The following KBTBD11 variants were observed in gnomAD, a reference collection of about 807,000 sequenced individuals.
KBTBD11 encodes the protein kelch repeat and BTB domain containing 11.
For missense variants in KBTBD11, 1,390 were observed against 1,001.8 expected, an observed-to-expected ratio of 1.39 and a Z score of -5.23; for synonymous variants, 747 against 499.0, an observed-to-expected ratio of 1.50 and a Z score of -6.63.
At chr8:1,977,814 G>T (rs1816400709) in intron 1 of KBTBD11, among the ~76,000 whole-genome samples, 2 of 152,246 alleles carry the variant, frequency 1.3e-5, no homozygotes, top group African/African-American at 2.4e-5. Context: ...GGGATTACAG[G>T]CATGAACCAC....
At chr8:1,978,721 C>T (rs369399732) in intron 1 of KBTBD11, among the ~76,000 whole-genome samples, 118 of 152,316 alleles carry the variant, frequency 7.7e-4, no homozygotes, top group African/African-American at 2.7e-3. Context: ...GCGGGATGGG[C>T]GTGCCGAGCA....
intron 1 of KBTBD11, among the ~76,000 whole-genome samples, chr8:1,987,110 G>C (rs1360766448): frequency 1.3e-5 from 2 of 151,848 alleles, no homozygotes; most frequent in Non-Finnish European, 2.9e-5. Context: ...GAAGCCCTGT[G>C]GTCCCGTCCC....
At chr8:1,975,189 A>G (rs925659596) in intron 1 of KBTBD11, 1 of 152,250 alleles carries the variant, frequency 6.6e-6, no homozygotes, top group Non-Finnish European at 1.5e-5. Flanking sequence ...TGGCATTGCA[A>G]TGCTCCCATC....
chr8:1,994,517 C>T (rs970496833), intron 1 of KBTBD11, among the ~76,000 whole-genome samples: 3 of 152,236 alleles, frequency 2.0e-5, no homozygotes, highest in Admixed American at 6.5e-5. Context: ...TTGCTTGGCT[C>T]ATTTCTGGCT....
Position 2,003,180 on chromosome 8 carries a change from G to A in KBTBD11, c.*116G>A. The A allele has an allele frequency of 1.6e-6, 2 of 1,242,984 alleles. No individual in the cohort carries two copies. The highest frequency in any genetic ancestry group is 2.0e-6 in the Non-Finnish European group (2 of 985,300). 77.0% of individuals were successfully genotyped at this position (1,242,984 alleles called of 1,614,324 possible). ...GGGCCGCTGGCCACGCTGGTGGTTTGGACACTTCGAAGGAGCCCCGAGGAC... is the reference window on the plus strand; with the variant it reads ...GGGCCGCTGGCCACGCTGGTGGTTTAGACACTTCGAAGGAGCCCCGAGGAC... On this transcript the variant is annotated 3_prime_UTR_variant, in exon 2 of 2. Transcript: ENST00000320248.
chr8:2,002,734 G>T lies in KBTBD11; in HGVS notation c.1542G>T (p.Ala514=). The T allele has an allele frequency of 6.7e-7, 1 of 1,503,482 alleles. No individual in the cohort carries two copies. The highest frequency in any genetic ancestry group is 8.8e-7 in the Non-Finnish European group (1 of 1,133,224). 93.1% of individuals were successfully genotyped at this position (1,503,482 alleles called of 1,614,324 possible). A position where few individuals can be genotyped will look rare whatever the true frequency, so the allele number is the denominator to read the frequency against. ...ATCTGAGCGGCAGCCGCGGCGAGGC[G>T]CAGGCGGCGGGGCCGAGCGGGGTCA... ...RFDLSGSRGE[A]QAAGPSGVSV... The change falls in exon 2 of 2, where the codon GCG becomes GCT. Residue 514 remains alanine (A), a synonymous_variant. Transcript: ENST00000320248. The surrounding 1 kb of genome is among the most constrained non-coding windows in gnomAD (Gnocchi z 4.1).
chr8:1,993,399 A>G (rs376691233), intron 1 of KBTBD11, among the ~76,000 whole-genome samples: 2,754 of 91,190 alleles, frequency 0.03, 39 homozygotes, highest in Non-Finnish European at 0.053. Context: ...CCGTCCATCC[A>G]TCCATCCATC....
intron 1 of KBTBD11, among the ~76,000 whole-genome samples, chr8:1,976,789 G>A (rs1284640727): frequency 6.6e-6 from 1 of 152,214 alleles, no homozygotes; most frequent in East Asian, 1.9e-4. Flanking sequence ...ATGTTAGGCC[G>A]AGAACTAAGG....
At chr8:1,977,993 A>G (rs759313500) in intron 1 of KBTBD11, among the ~76,000 whole-genome samples, 6 of 152,224 alleles carry the variant, frequency 3.9e-5, no homozygotes, top group East Asian at 1.9e-4. Flanking sequence ...GCTTAAAACA[A>G]TAGCATTTAT....
chr8:1,982,717 G>C (rs1420410803), intron 1 of KBTBD11, among the ~76,000 whole-genome samples: 2 of 151,514 alleles, frequency 1.3e-5, no homozygotes, highest in African/African-American at 2.4e-5. Context: ...TTCATCAGAA[G>C]TAAACTTTTA....
Position 1,998,514 on chromosome 8 carries a change from T to G in KBTBD11, c.-908-1771T>G, listed in dbSNP as rs144140874. The stretch of plus-strand genomic sequence containing the variant: ...TTCCCTTCAGTCTGTAATGATTAAT[T>G]ACATAAAGATGACTCTCGGGATGGA... On this transcript the variant is annotated intron_variant, in intron 1 of 1. Transcript: ENST00000320248. Among the ~76,000 whole-genome samples the G allele has an allele frequency of 3.0e-3, 454 of 152,296 alleles. 2 individuals are homozygous for G. The highest frequency in any genetic ancestry group is 5.0e-3 in the Non-Finnish European group (341 of 68,026).
At chr8:1,974,337 C>G (rs886663191) in intron 1 of KBTBD11, 5 of 984,610 alleles carry the variant, frequency 5.1e-6, no homozygotes, top group South Asian at 4.7e-5. Context: ...CAGTCACCGC[C>G]CCCGCCGAGG....
At chr8:1,985,061 C>T (rs940134204) in intron 1 of KBTBD11, among the ~76,000 whole-genome samples, 5 of 152,206 alleles carry the variant, frequency 3.3e-5, no homozygotes, top group African/African-American at 9.6e-5. Context: ...CCTGGGTCCT[C>T]GGAAGCCCCT....
intron 1 of KBTBD11, chr8:1,974,586 G>A (rs1816258113): frequency 6.1e-6 from 6 of 985,006 alleles, no homozygotes; most frequent in African/African-American, 1.7e-5. Flanking sequence ...ACCCCCGCGA[G>A]CCCCGAGCAC....
intron 1 of KBTBD11, among the ~76,000 whole-genome samples, chr8:1,984,552 G>A (rs1816650484): frequency 6.6e-6 from 1 of 152,050 alleles, no homozygotes; most frequent in African/African-American, 2.4e-5. Flanking sequence ...CTCCCAATGT[G>A]TTGGGATTAC....
Position 2,001,603 on chromosome 8 carries a change from CG to C in KBTBD11, c.415del (p.Glu139SerfsTer41). On this transcript the variant is annotated frameshift_variant, in exon 2 of 2. Transcript: ENST00000320248. LOFTEE classifies it low-confidence loss of function (END_TRUNC). The stretch of plus-strand genomic sequence containing the variant: ...TACCCCCGGGGTTCGGGGCGGTGTA[CG>C]GGGAGCCGGACCTGGTGCTGGAGGT... ...PVPPGFGAVY[G>X]EPDLVLEVSG... The C allele has an allele frequency of 6.8e-7, 1 of 1,472,806 alleles. No individual in the cohort carries two copies. The highest frequency in any genetic ancestry group is 8.9e-7 in the Non-Finnish European group (1 of 1,117,386). 91.2% of individuals were successfully genotyped at this position (1,472,806 alleles called of 1,614,324 possible).
At chr8:1,989,550 C>G (rs1383718691) in intron 1 of KBTBD11, among the ~76,000 whole-genome samples, 2 of 152,180 alleles carry the variant, frequency 1.3e-5, no homozygotes, top group Admixed American at 6.5e-5. Context: ...TCACTAAGCT[C>G]CATACCGCAT....
Position 2,001,532 on chromosome 8 carries a change from C to A in KBTBD11, c.340C>A (p.Leu114Ile). 7.0e-7 allele frequency: 1 copy of A among 1,432,774 alleles called. No homozygotes were observed. The highest frequency in any genetic ancestry group is 9.1e-7 in the Non-Finnish European group (1 of 1,098,562). 88.8% of individuals were successfully genotyped at this position (1,432,774 alleles called of 1,614,324 possible). ...GCCGTCCCCCGAACCGCGCGTTTGGCTTGAGGACCCCGCGTCCCCCGAGGA... is the reference window on the plus strand; with the variant it reads ...GCCGTCCCCCGAACCGCGCGTTTGGATTGAGGACCCCGCGTCCCCCGAGGA... The part of the protein sequence containing the change: ...AAPSPEPRVW[L>I]EDPASPEEPG... Residue 114 changes from leucine to isoleucine, a missense_variant, in exon 2 of 2, where the codon CTT becomes ATT. Transcript: ENST00000320248.
chr8:1,980,582 C>T (rs1816506875), intron 1 of KBTBD11, among the ~76,000 whole-genome samples: 1 of 152,244 alleles, frequency 6.6e-6, no homozygotes, highest in Non-Finnish European at 1.5e-5. Context: ...CTCCACACTG[C>T]AGGCAGCTTC....
Sources: gnomAD v4.1 joint callset for allele counts (sites outside exome capture counted in the v4.1 genomes callset) on GRCh38, gnomAD v4.1.1 for gene constraint, Gnocchi (gnomAD v3.1) non-coding constraint, MANE v1.5 for transcripts, NCBI Gene and HGNC (gene_info 2026-07-23, HGNC 2026-07-21) for gene names.